The following ALK variants were observed in gnomAD, a reference collection of about 807,000 sequenced individuals.
The protein encoded by ALK is ALK receptor tyrosine kinase.
ALK carries 74 observed loss-of-function variants against 163.1 expected under a neutral mutation model. The observed-to-expected ratio is 0.45, with a 90% CI of 0.38 to 0.55. The LOEUF (loss-of-function observed/expected upper bound fraction) is 0.55. Among genes scored for constraint, ALK ranks in the 20% least tolerant of loss-of-function variants. The pLI is 0.00. For synonymous variants in ALK, 960 were observed against 843.2 expected, an observed-to-expected ratio of 1.14 and a Z score of -2.40; for missense variants, 2,063 against 2,105.3, an observed-to-expected ratio of 0.98 and a Z score of 0.39.
At chr2:29,308,682 G>A (rs77593371) in intron 8 of ALK, among the ~76,000 whole-genome samples, 3,810 of 152,252 alleles carry the variant, frequency 0.025, 153 homozygotes, top group African/African-American at 0.087. Context: ...ATCTTCTTCC[G>A]TCAAGTGGGG....
rs1353338867 is a variant in ALK at position 29,296,978 on chromosome 2, T to C, written c.1727A>G (p.Glu576Gly). 5 of 1,614,198 alleles carry C rather than the reference T, an allele frequency of 3.1e-6. No homozygotes were observed. The South Asian group carries it at 5.5e-5, about 18-fold the overall frequency. ...GACATGCCAGACCATCCTGCCTTGC[T>C]CCTTCCCGGTTTTGTTCTCCACTAG... is the stretch of plus-strand genomic sequence containing the variant. ...LVLVENKTGKEQGRMVWHVAA... is the reference protein window; with the variant it reads ...LVLVENKTGKGQGRMVWHVAA... Residue 576 changes from glutamate to glycine, a missense_variant, in exon 9 of 29, where the codon GAG becomes GGG. Physicochemically the swap from Glu to Gly is moderately conservative, Grantham distance 98. Around this residue, in one of 5 missense-constraint regions of ALK, gnomAD observed 987 missense variants for 939.5 expected, o/e 1.05. Coordinates refer to ENST00000389048, the MANE Select transcript of ALK (RefSeq NM_004304.5).
intron 4 of ALK, among the ~76,000 whole-genome samples, chr2:29,400,770 T>G (rs1179945975): frequency 6.6e-6 from 1 of 151,856 alleles, no homozygotes; most frequent in African/African-American, 2.4e-5. Flanking sequence ...AGGTTGGGAG[T>G]TCGAGACCAG....
intron 1 of ALK, among the ~76,000 whole-genome samples, chr2:29,825,685 T>C (rs974552024): frequency 6.6e-6 from 1 of 150,640 alleles, no homozygotes; most frequent in Non-Finnish European, 1.5e-5. Context: ...TAGAATTAAG[T>C]TTTTGTCTTG....
At chr2:29,767,029 C>A (rs1235881994) in intron 1 of ALK, among the ~76,000 whole-genome samples, 2 of 152,204 alleles carry the variant, frequency 1.3e-5, no homozygotes, top group Non-Finnish European at 2.9e-5. Context: ...ACTCCAAAAT[C>A]TCTTACAGTG....
chr2:29,872,602 G>C (rs1666608797), intron 1 of ALK, among the ~76,000 whole-genome samples: 1 of 152,154 alleles, frequency 6.6e-6, no homozygotes, highest in South Asian at 2.1e-4. Context: ...GTTCGCTGCT[G>C]CTGCCCAGCA....
intron 3 of ALK, among the ~76,000 whole-genome samples, chr2:29,690,253 C>T (rs1362406051): frequency 6.6e-6 from 1 of 152,144 alleles, no homozygotes; most frequent in African/African-American, 2.4e-5. Context: ...ACAGAAGAAC[C>T]TCAGTAGCAG....
chr2:29,264,923 T>C (rs1665178363), intron 11 of ALK, among the ~76,000 whole-genome samples: 1 of 152,156 alleles, frequency 6.6e-6, no homozygotes, highest in South Asian at 2.1e-4. Flanking sequence ...CACTCTCACA[T>C]ACTCACTCGA....
At chr2:29,205,088 T>G (rs573336588) in intron 26 of ALK, among the ~76,000 whole-genome samples, 20 of 152,318 alleles carry the variant, frequency 1.3e-4, no homozygotes, top group Non-Finnish European at 2.6e-4. Context: ...ACACTTGGAT[T>G]TCCTTATCCT....
intron 4 of ALK, among the ~76,000 whole-genome samples, chr2:29,511,156 T>C (rs181071660): frequency 1.3e-5 from 2 of 152,302 alleles, no homozygotes; most frequent in Non-Finnish European, 2.9e-5. Context: ...GGTATCCATT[T>C]AAAGTGTACA....
At chr2:29,827,426 T>G (rs1665233148) in intron 1 of ALK, among the ~76,000 whole-genome samples, 1 of 152,220 alleles carries the variant, frequency 6.6e-6, no homozygotes, top group Non-Finnish European at 1.5e-5. Context: ...AATCCACAGG[T>G]CTTCTCTGCT....
chr2:29,494,112 G>A (rs973763423), intron 4 of ALK, among the ~76,000 whole-genome samples: 1 of 152,208 alleles, frequency 6.6e-6, no homozygotes, highest in Non-Finnish European at 1.5e-5. Flanking sequence ...GCTTAGATGT[G>A]TGGCTTAGAT....
chr2:29,906,206 C>T (rs564367610), intron 1 of ALK, among the ~76,000 whole-genome samples: 1 of 152,246 alleles, frequency 6.6e-6, no homozygotes, highest in South Asian at 2.1e-4. Context: ...GACAAGGGGG[C>T]TAGAGACGTT....
At chr2:29,490,555 G>A (rs946299689) in intron 4 of ALK, among the ~76,000 whole-genome samples, 1 of 152,006 alleles carries the variant, frequency 6.6e-6, no homozygotes, top group Non-Finnish European at 1.5e-5. Flanking sequence ...GTGGGGAGGG[G>A]GTTTTAACAG....
At chr2:29,382,238 TAG>T (rs1668916947) in intron 5 of ALK, among the ~76,000 whole-genome samples, 7 of 152,210 alleles carry the variant, frequency 4.6e-5, no homozygotes, top group South Asian at 2.1e-4. Flanking sequence ...TAGAAAAAAT[TAG>T]AGAGATTTTA....
intron 1 of ALK, among the ~76,000 whole-genome samples, chr2:29,765,664 C>T (rs1446652668): frequency 6.6e-6 from 1 of 151,668 alleles, no homozygotes; most frequent in African/African-American, 2.4e-5. Context: ...TTTAAAAATG[C>T]ATGTCAATTT....
rs540280034 is a variant in ALK at position 29,759,992 on chromosome 2, A to AT, written c.668-42296dup. ...GCCAAAACAAAGCAAGTATTACAGG[A>AT]TTTTTTTTAAACCTCTGCCTATCAT... On this transcript the variant is annotated intron_variant, in intron 1 of 28. Transcript: ENST00000389048. Among the ~76,000 whole-genome samples, 35 of 152,218 alleles carry AT rather than the reference A, an allele frequency of 2.3e-4. 1 individual carries two copies. In the South Asian group the frequency reaches 6.6e-3, roughly 29 times the overall value.
At chr2:29,811,850 C>G (rs148754696) in intron 1 of ALK, among the ~76,000 whole-genome samples, 1 of 152,298 alleles carries the variant, frequency 6.6e-6, no homozygotes, top group East Asian at 1.9e-4. Context: ...TATCTGTCTA[C>G]GCCCCTTCCA....
chr2:29,210,679 C>G (rs1308897565), intron 24 of ALK, among the ~76,000 whole-genome samples: 1 of 152,188 alleles, frequency 6.6e-6, no homozygotes, highest in Non-Finnish European at 1.5e-5. Context: ...GGTGATCCAC[C>G]TGCCTCGGCC....
intron 1 of ALK, among the ~76,000 whole-genome samples, chr2:29,722,286 G>A (rs1293640245): frequency 6.6e-6 from 1 of 152,216 alleles, no homozygotes; most frequent in African/African-American, 2.4e-5. Flanking sequence ...TAAATTTCAA[G>A]TGAGTGCGGG....
Sources: gnomAD v4.1 joint callset for allele counts (sites outside exome capture counted in the v4.1 genomes callset) on GRCh38, gnomAD v4.1.1 for gene constraint, gnomAD v4.1.1 regional missense constraint, MANE v1.5 for transcripts, NCBI Gene and HGNC (gene_info 2026-07-23, HGNC 2026-07-21) for gene names.